Variants in COL23A1 observed in about 807,000 individuals in gnomAD.
The protein encoded by COL23A1 is collagen alpha-1(XXIII) chain.
COL23A1 carries 97 observed loss-of-function variants against 99.3 expected under a neutral mutation model. That is an observed-to-expected ratio of 0.98 (90% CI 0.83 to 1.16). COL23A1 has a LOEUF of 1.16. Among genes scored for constraint, COL23A1 ranks in the 50% most tolerant of loss-of-function variants. COL23A1 has a pLI of 0.00. For missense variants in COL23A1, 762 were observed against 757.4 expected (o/e 1.01, Z -0.07); for synonymous variants, 320 against 308.2 (o/e 1.04, Z -0.40).
intron 5 of COL23A1, among the ~76,000 whole-genome samples, chr5:178,282,555 A>G (rs1389335235): frequency 6.6e-6 from 1 of 152,232 alleles, no homozygotes; most frequent in African/African-American, 2.4e-5. Context: ...GAGTAGGGTC[A>G]CATAGCCTGG....
chr5:178,302,303 T>G (rs62390197), intron 3 of COL23A1, among the ~76,000 whole-genome samples: 1,058 of 101,710 alleles, frequency 0.01, no homozygotes, highest in African/African-American at 0.022. Context: ...GGAGCACGGC[T>G]TCAATCCACC....
intron 2 of COL23A1, among the ~76,000 whole-genome samples, chr5:178,525,822 A>G (rs912236219): frequency 6.6e-6 from 1 of 152,286 alleles, no homozygotes; most frequent in Non-Finnish European, 1.5e-5. Flanking sequence ...AACATGAAAA[A>G]TGAAGATCAG....
At position 178,261,712 on chromosome 5, in the gene COL23A1, G is replaced by C. The variant is rs750284668; in HGVS notation, c.702+10C>G. The C allele has an allele frequency of 3.9e-5, 62 of 1,606,250 alleles. No homozygotes were observed. Among genetic ancestry groups the C allele is most frequent in the Non-Finnish European group, 5.1e-5 (60 of 1,172,916 alleles). ...TCTGGGGAGGGGCATGGGGAATAAG[G>C]AGTACTCACCTTGGGCCCTGGGGGT... On this transcript the variant is annotated intron_variant, in intron 11 of 28. Transcript: ENST00000390654.
chr5:178,549,779 C>T (rs1046906909), intron 2 of COL23A1, among the ~76,000 whole-genome samples: 6 of 152,164 alleles, frequency 3.9e-5, no homozygotes, highest in Admixed American at 3.3e-4. Context: ...TGCACCATTG[C>T]ACTCCAGCCT....
intron 2 of COL23A1, among the ~76,000 whole-genome samples, chr5:178,373,019 C>T (rs566104353): frequency 2.4e-4 from 36 of 150,472 alleles, no homozygotes; most frequent in African/African-American, 8.8e-4. Context: ...ACCTCCATCT[C>T]CCAGGTTCAA....
chr5:178,589,790 G>T lies in COL23A1; in HGVS notation c.294+114C>A. On this transcript the variant is annotated intron_variant, in intron 1 of 28. Coordinates refer to ENST00000390654, the MANE Select transcript of COL23A1 (RefSeq NM_173465.4). This position sits in a 1 kb window ranked among gnomAD's most constrained non-coding sequence, Gnocchi z 5.4. ...TCTGGGACGGCCCCGAGCGCACGCAGCCGGCGGGCGACCCTCCTCCCAGAG... is the reference window on the plus strand; with the variant it reads ...TCTGGGACGGCCCCGAGCGCACGCATCCGGCGGGCGACCCTCCTCCCAGAG... 9.6e-7 allele frequency: 1 copy of T among 1,038,504 alleles called. No homozygotes were observed. Among genetic ancestry groups the T allele is most frequent in the Non-Finnish European group, 1.2e-6 (1 of 816,856 alleles). The allele number at this position is 1,038,504 out of a possible 1,614,324, so 64.3% of individuals were successfully genotyped here.
intron 1 of COL23A1, among the ~76,000 whole-genome samples, chr5:178,578,558 C>T: frequency 6.6e-6 from 1 of 152,322 alleles, no homozygotes; most frequent in African/African-American, 2.4e-5. Context: ...ACTGTCTTTT[C>T]AAATACATTC....
chr5:178,429,315 C>T (rs114364725), intron 2 of COL23A1, among the ~76,000 whole-genome samples: 126 of 152,300 alleles, frequency 8.3e-4, no homozygotes, highest in African/African-American at 2.9e-3. Flanking sequence ...CCACACCCCA[C>T]GAGCGAAGGG....
intron 2 of COL23A1, among the ~76,000 whole-genome samples, chr5:178,391,896 A>AG (rs1407280948): frequency 2.4e-5 from 1 of 41,462 alleles, no homozygotes; most frequent in African/African-American, 2.9e-4. Context: ...ATTTGAGACT[A>AG]AAAGGAATGA....
chr5:178,485,012 A>C (rs1471999089), intron 2 of COL23A1, among the ~76,000 whole-genome samples: 2 of 152,192 alleles, frequency 1.3e-5, no homozygotes, highest in East Asian at 3.8e-4. Context: ...CAGACAAATA[A>C]ATTTAGAGGA....
intron 2 of COL23A1, among the ~76,000 whole-genome samples, chr5:178,383,035 CA>C (rs1763468788): frequency 6.6e-6 from 1 of 151,952 alleles, no homozygotes; most frequent in South Asian, 2.1e-4. Context: ...TGACAGGAGC[CA>C]GGGGGTGTCT....
At chr5:178,400,574 T>C (rs1446450483) in intron 2 of COL23A1, among the ~76,000 whole-genome samples, 1 of 152,158 alleles carries the variant, frequency 6.6e-6, no homozygotes, top group East Asian at 1.9e-4. Flanking sequence ...ATTTTAACCA[T>C]TTTTAAGTGT....
chr5:178,426,032 G>C (rs577233309), intron 2 of COL23A1, among the ~76,000 whole-genome samples: 10 of 152,262 alleles, frequency 6.6e-5, no homozygotes, highest in African/African-American at 2.4e-4. Flanking sequence ...CCACAGCAGG[G>C]GGGGCAACCA....
intron 5 of COL23A1, among the ~76,000 whole-genome samples, chr5:178,271,613 GGCA>G (rs1229061002): frequency 1.3e-5 from 2 of 152,214 alleles, no homozygotes; most frequent in Non-Finnish European, 2.9e-5. Context: ...GGGCCTGGCA[GGCA>G]GCATGTGCCC....
intron 1 of COL23A1, among the ~76,000 whole-genome samples, chr5:178,580,665 C>G (rs1016587972): frequency 3.9e-5 from 6 of 152,202 alleles, no homozygotes; most frequent in African/African-American, 1.4e-4. Flanking sequence ...CATTCGTTCA[C>G]ATAACGACAA....
chr5:178,393,652 CT>C (rs36102461), intron 2 of COL23A1, among the ~76,000 whole-genome samples: 413 of 143,100 alleles, frequency 2.9e-3, no homozygotes, highest in African/African-American at 4.3e-3. Flanking sequence ...CCCTCTTTTC[CT>C]TTTTTTTTTT....
intron 2 of COL23A1, among the ~76,000 whole-genome samples, chr5:178,319,448 G>C (rs72820922): frequency 0.18 from 27,893 of 151,966 alleles, 3,065 homozygotes; most frequent in African/African-American, 0.31. Context: ...TGATTTTCAT[G>C]AGAATTCCTT....
intron 2 of COL23A1, among the ~76,000 whole-genome samples, chr5:178,319,887 C>CCGCCCTATCGCCCTAT (rs59250778): frequency 6.6e-6 from 1 of 151,372 alleles, no homozygotes; most frequent in African/African-American, 2.4e-5. Context: ...GAGGCCTCCC[C>CCGCCCTATCGCCCTAT]CGCCCTATCT....
At chr5:178,574,728 C>T (rs767108471) in intron 1 of COL23A1, among the ~76,000 whole-genome samples, 13 of 152,148 alleles carry the variant, frequency 8.5e-5, no homozygotes, top group African/African-American at 2.4e-4. Flanking sequence ...TGTCAAGAAA[C>T]GTAAGACAAT....
Sources: allele counts gnomAD v4.1 joint callset (sites outside exome capture counted in the v4.1 genomes callset), GRCh38; gene constraint gnomAD v4.1.1; non-coding constraint Gnocchi (gnomAD v3.1); transcripts MANE v1.5; gene names NCBI Gene and HGNC (gene_info 2026-07-23, HGNC 2026-07-21).